The following NBPF3 variants were observed in gnomAD, a reference collection of about 807,000 sequenced individuals.
The protein encoded by NBPF3 is NBPF family member NBPF3.
Under a neutral mutation model 78.1 loss-of-function variants are expected in NBPF3, and 57 were observed. The ratio of observed to expected loss-of-function variants is 0.73; its 90% CI spans 0.59 to 0.91. The LOEUF (loss-of-function observed/expected upper bound fraction) is 0.91, where lower values mean the gene tolerates loss of function less well. Ranked by LOEUF, NBPF3 falls within the 40% of genes least tolerant of loss-of-function variation. The probability of loss-of-function intolerance (pLI) is 0.00; values close to 1 mark genes in which losing one functional copy is unlikely to be tolerated. For synonymous variants in NBPF3, 182 were observed against 271.7 expected (o/e 0.67, Z 3.25); for missense variants, 510 against 715.3 (o/e 0.71, Z 3.27).
chr1:21,444,286 T>C (rs573558931), intron 1 of NBPF3, among the ~76,000 whole-genome samples: 1 of 152,102 alleles, frequency 6.6e-6, no homozygotes, highest in Non-Finnish European at 1.5e-5. Flanking sequence ...CAATGAAAAA[T>C]AAACCTTCGT....
In NBPF3 at chr1:21,471,705, T is replaced by G. The variant is rs1642605014; in HGVS notation, c.583T>G (p.Ser195Ala). ...CCTCACTCCGGATGAGCCGGACAACTCCCAGGGACGGGACCTCCGAGAACA... is the reference window on the plus strand; with the variant it reads ...CCTCACTCCGGATGAGCCGGACAACGCCCAGGGACGGGACCTCCGAGAACA... The part of the protein sequence containing the change: ...ALLTPDEPDN[S>A]QGRDLREQLA... The change falls in exon 5 of 15, where the codon TCC (serine) becomes GCC (alanine). Residue 195 changes from serine (S) to alanine (A), a missense_variant. By Grantham distance (99) the Ser-to-Ala change is moderately conservative. Transcript: ENST00000318249. The G allele has an allele frequency of 3.7e-6, 6 of 1,613,030 alleles. No individual in the cohort carries two copies. The East Asian group carries it at 1.1e-4, about 30-fold the overall frequency.
chr1:21,444,197 TATCACAGTTTTCACC>T (rs1640830418), intron 1 of NBPF3, among the ~76,000 whole-genome samples: 1 of 152,224 alleles, frequency 6.6e-6, no homozygotes, highest in Non-Finnish European at 1.5e-5. Flanking sequence ...AATCTCCAAG[TATCACAGTTTTCACC>T]ATCTAACAAA....
upstream of NBPF3, chr1:21,437,299 G>C (rs1640444255): frequency 4.8e-6 from 2 of 414,012 alleles, no homozygotes; most frequent in Non-Finnish European, 8.7e-6. Context: ...CTGGGGGTTT[G>C]TCTGGCATCG....
In NBPF3 at chr1:21,476,659, T is replaced by A. The variant is rs1642903382; in HGVS notation, c.993-1485T>A. Among the ~76,000 whole-genome samples, 1 of 152,246 alleles carries A rather than the reference T, an allele frequency of 6.6e-6. No individual in the cohort carries two copies. Among genetic ancestry groups the A allele is most frequent in the African/African-American group, 2.4e-5 (1 of 41,470 alleles). On this transcript the variant is annotated intron_variant, in intron 8 of 14. Coordinates refer to ENST00000318249, the MANE Select transcript of NBPF3 (RefSeq NM_032264.6). The surrounding 1 kb of genome is among the most constrained non-coding windows in gnomAD (Gnocchi z 4.1). Reference sequence around the variant, plus strand: ...GCAGAGAGATCCACTGTTAGTCTGGTGGGCTTCCCTTAGTGGGTAACTCGA... The same window carrying A: ...GCAGAGAGATCCACTGTTAGTCTGGAGGGCTTCCCTTAGTGGGTAACTCGA...
intron 3 of NBPF3, among the ~76,000 whole-genome samples, chr1:21,469,586 G>A (rs183569232): frequency 1.3e-5 from 2 of 152,252 alleles, no homozygotes; most frequent in East Asian, 1.9e-4. Flanking sequence ...TTAGCTGGGC[G>A]TGGTGGCGGG....
chr1:21,483,317 T>C lies in NBPF3; in HGVS notation c.1833T>C (p.Asn611=), dbSNP rs1454269586. 1.6e-6 allele frequency: 2 copies of C among 1,258,188 alleles called. No homozygotes were observed. The highest frequency in any genetic ancestry group is 1.4e-5 in the South Asian group (1 of 71,340). 77.9% of individuals were successfully genotyped at this position (1,258,188 alleles called of 1,614,324 possible). A position where few individuals can be genotyped will look rare whatever the true frequency, so the allele number is the denominator to read the frequency against. The change falls in exon 15 of 15, where the codon AAT becomes AAC. Residue 611 remains asparagine, a synonymous_variant. Transcript: ENST00000318249. ...QDVSLALDVD[N]RFFTLTVIRH... is the part of the protein sequence containing the mutation. Reference sequence around the variant, plus strand: ...TCAGCTTGGCCCTTGACGTGGACAATAGGTTTTTTACTTTGACAGTGATAA... The same window carrying C: ...TCAGCTTGGCCCTTGACGTGGACAACAGGTTTTTTACTTTGACAGTGATAA...
At chr1:21,444,890 A>C (rs1381463299) in intron 1 of NBPF3, 58 bp from the exon 2 acceptor site, 2 of 536,906 alleles carry the variant, frequency 3.7e-6, no homozygotes, top group African/African-American at 3.9e-5. Flanking sequence ...TCCATCCTTC[A>C]AGTTGCCGAA....
At chr1:21,443,512 T>C in intron 1 of NBPF3, among the ~76,000 whole-genome samples, 1 of 152,230 alleles carries the variant, frequency 6.6e-6, no homozygotes, top group South Asian at 2.1e-4. Context: ...GCGAGAAAAC[T>C]TTATGGATCA....
chr1:21,436,792 C>T (rs954095637), upstream of NBPF3: 17 of 1,178,720 alleles, frequency 1.4e-5, no homozygotes, highest in Non-Finnish European at 1.8e-5. The surrounding 1 kb of genome is among the most constrained non-coding windows in gnomAD (Gnocchi z 4.3). Context: ...CTTGCACAAG[C>T]ACCAGCTGCA....
At chr1:21,452,289 G>A (rs1221563449) in intron 2 of NBPF3, among the ~76,000 whole-genome samples, 4 of 152,160 alleles carry the variant, frequency 2.6e-5, no homozygotes, top group Admixed American at 2.0e-4. Flanking sequence ...TGGTTCAGTG[G>A]TTGTGAGTTC....
At chr1:21,474,550 T>C (rs192432975) in intron 7 of NBPF3, among the ~76,000 whole-genome samples, 7 of 113,980 alleles carry the variant, frequency 6.1e-5, no homozygotes, top group Admixed American at 5.1e-4. Context: ...ACATTTAATG[T>C]CCATGTTACC....
At position 21,440,290 on chromosome 1, in the gene NBPF3, C is replaced by G. The variant is rs1266663778; in HGVS notation, c.-198C>G. 1 of 152,104 alleles carries G rather than the reference C, an allele frequency of 6.6e-6. No homozygotes were observed. Among genetic ancestry groups the G allele is most frequent in the Admixed American group, 6.5e-5 (1 of 15,272 alleles). 9.4% of individuals were successfully genotyped at this position (152,104 alleles called of 1,614,324 possible). On this transcript the variant is annotated 5_prime_UTR_variant, in exon 1 of 15. Coordinates refer to ENST00000318249, the MANE Select transcript of NBPF3 (RefSeq NM_032264.6). ...GGAGCTGGGCCGAGGCGCGGCGGCG[C>G]GGCTGCGGGCCGCCGTCTGGATGGG...
chr1:21,455,074 G>A (rs1215834940), intron 2 of NBPF3, among the ~76,000 whole-genome samples: 1 of 152,144 alleles, frequency 6.6e-6, no homozygotes, highest in Non-Finnish European at 1.5e-5. Flanking sequence ...GCTCCTAGAG[G>A]CCTCCCATGT....
Position 21,473,370 on chromosome 1 carries a change from G to T in NBPF3, c.735-10G>T. ...GTCTTCTGTCATCTCTATCCCACCT[G>T]GCTCATCAGGGAGGTGCAGAAGGCT... is the stretch of plus-strand genomic sequence containing the variant. On this transcript the variant is annotated splice_polypyrimidine_tract_variant and intron_variant, in intron 6 of 14. Coordinates refer to ENST00000318249, the MANE Select transcript of NBPF3 (RefSeq NM_032264.6). The T allele has an allele frequency of 6.2e-7, 1 of 1,613,150 alleles. No homozygotes were observed. The highest frequency in any genetic ancestry group is 8.5e-7 in the Non-Finnish European group (1 of 1,179,126).
At chr1:21,454,900 T>A (rs912255824) in intron 2 of NBPF3, among the ~76,000 whole-genome samples, 1 of 152,240 alleles carries the variant, frequency 6.6e-6, no homozygotes, top group Admixed American at 6.5e-5. Context: ...TGGGTCTTCT[T>A]CTCAGGGCCT....
intron 2 of NBPF3, among the ~76,000 whole-genome samples, chr1:21,448,391 C>G (rs1378650643): frequency 6.6e-6 from 1 of 151,578 alleles, no homozygotes; most frequent in African/African-American, 2.4e-5. Flanking sequence ...GAAAGGCTGT[C>G]TTTGCTGTTT....
rs1455160615 is a variant in NBPF3 at position 21,484,760 on chromosome 1, G to T, written c.*1374G>T. 2 of 63,022 alleles carry T rather than the reference G, an allele frequency of 3.2e-5. No homozygotes were observed. Among genetic ancestry groups the T allele is most frequent in the African/African-American group, 4.1e-5 (1 of 24,112 alleles). The allele number at this position is 63,022 out of a possible 1,614,324, so 3.9% of individuals were successfully genotyped here. A position where few individuals can be genotyped will look rare whatever the true frequency, so the allele number is the denominator to read the frequency against. On this transcript the variant is annotated 3_prime_UTR_variant, in exon 15 of 15. Transcript: ENST00000318249. ...TCTATTATTATATTCATATCTCTAC[G>T]CTGGAAATTTGCTGCCTCAATGTTT...
chr1:21,467,750 A>G (rs1642357584), intron 2 of NBPF3, among the ~76,000 whole-genome samples: 1 of 152,208 alleles, frequency 6.6e-6, no homozygotes, highest in African/African-American at 2.4e-5. Flanking sequence ...GTCACTTGAT[A>G]CCTTGAAAAG....
Position 21,445,119 on chromosome 1 carries a change from G to A in NBPF3, c.33G>A (p.Gln11=). The change falls in exon 2 of 15, where the codon CAG becomes CAA. Residue 11 remains glutamine, a synonymous_variant. Transcript: ENST00000318249. The stretch of plus-strand genomic sequence containing the variant: ...TGACTCCCACTGTCCAGGGCTTCCA[G>A]TGGACTCTCCGAGGCCCTGATGTAG... MPLTPTVQGF[Q]WTLRGPDVET... The A allele has an allele frequency of 4.3e-6, 7 of 1,611,890 alleles. No homozygotes were observed. The highest frequency in any genetic ancestry group is 1.7e-5 in the Admixed American group (1 of 60,016).
Sources: gnomAD v4.1 joint callset for allele counts (sites outside exome capture counted in the v4.1 genomes callset) on GRCh38, gnomAD v4.1.1 for gene constraint, Gnocchi (gnomAD v3.1) non-coding constraint, MANE v1.5 for transcripts, NCBI Gene and HGNC (gene_info 2026-07-23, HGNC 2026-07-21) for gene names.